The following PDX1 variants were observed in gnomAD, a reference collection of about 807,000 sequenced individuals.
PDX1 encodes pancreas/duodenum homeobox protein 1.
PDX1 carries 7 observed loss-of-function variants against 11.1 expected under a neutral mutation model. That is an observed-to-expected ratio of 0.63 (90% CI 0.36 to 1.19). The LOEUF is 1.19. PDX1 is among the 50% of genes most tolerant of loss of function. PDX1 has a pLI of 0.02. For synonymous variants in PDX1, 232 were observed against 196.2 expected (o/e 1.18, Z -1.53); for missense variants, 449 against 412.1 (o/e 1.09, Z -0.78).
At position 27,920,086 on chromosome 13, in the gene PDX1, C is replaced by A; in HGVS notation, c.-53C>A. 6.5e-7 allele frequency: 1 copy of A among 1,547,044 alleles called. No homozygotes were observed. The highest frequency in any genetic ancestry group is 2.0e-5 in the Admixed American group (1 of 50,978). ...GTGCCAAATCCCCGGCTCCAGCTCC[C>A]GACTCCCGGCTCCCGGCTCCCGGCT... On this transcript the variant is annotated 5_prime_UTR_variant, in exon 1 of 2. Coordinates refer to ENST00000381033, the MANE Select transcript of PDX1 (RefSeq NM_000209.4).
In PDX1 at chr13:27,924,851, G is replaced by C. The variant is rs1298680875; in HGVS notation, c.*150G>C. 4.9e-6 allele frequency: 3 copies of C among 618,350 alleles called. No homozygotes were observed. Among genetic ancestry groups the C allele is most frequent in the Admixed American group, 4.4e-5 (1 of 22,892 alleles). The allele number at this position is 618,350 out of a possible 1,614,324, so 38.3% of individuals were successfully genotyped here. A position where few individuals can be genotyped will look rare whatever the true frequency, so the allele number is the denominator to read the frequency against. Reference sequence around the variant, plus strand: ...CACCTTAGACCGAAGGGGAAAACCCGCTCTCTCAGGCGCATGTGCCAGTTG... The same window carrying C: ...CACCTTAGACCGAAGGGGAAAACCCCCTCTCTCAGGCGCATGTGCCAGTTG... On this transcript the variant is annotated 3_prime_UTR_variant, in exon 2 of 2. Coordinates refer to ENST00000381033, the MANE Select transcript of PDX1 (RefSeq NM_000209.4). This position sits in a 1 kb window ranked among gnomAD's most constrained non-coding sequence, Gnocchi z 4.8.
Position 27,925,821 on chromosome 13 carries a change from C to A in PDX1, c.*1120C>A. On this transcript the variant is annotated 3_prime_UTR_variant, in exon 2 of 2. Coordinates refer to ENST00000381033, the MANE Select transcript of PDX1 (RefSeq NM_000209.4). ...AGTTCCACACTGCTGGCAGGGAAGG[C>A]AAGGGGGGACGGGCCTGGATCTGGG... The A allele has an allele frequency of 6.5e-6, 1 of 153,342 alleles. No individual in the cohort carries two copies. Among genetic ancestry groups the A allele is most frequent in the Non-Finnish European group, 1.5e-5 (1 of 68,806 alleles). The allele number at this position is 153,342 out of a possible 1,614,324, so 9.5% of individuals were successfully genotyped here.
chr13:27,921,026 C>T (rs1465888210), intron 1 of PDX1, among the ~76,000 whole-genome samples: 1 of 152,194 alleles, frequency 6.6e-6, no homozygotes, highest in Admixed American at 6.5e-5. Context: ...GAAGGGCAGG[C>T]ATCTAGGGGC....
chr13:27,920,812 C>G lies in PDX1; in HGVS notation c.406+268C>G, dbSNP rs9512918. Among the ~76,000 whole-genome samples the G allele has an allele frequency of 0.33, 50,909 of 152,190 alleles. 8,741 individuals are homozygous for G. Among genetic ancestry groups the G allele is most frequent in the Middle Eastern group, 0.38 (113 of 294 alleles). ...CATCTTCGCCCCAGGAGCCCGCGCT[C>G]CCAGCGCCATCCTTAGAGAGCCGAG... On this transcript the variant is annotated intron_variant, in intron 1 of 1. Transcript: ENST00000381033.
In PDX1 at chr13:27,924,531, G is replaced by T; in HGVS notation, c.682G>T (p.Ala228Ser). Residue 228 changes from alanine (A) to serine (S), a missense_variant, in exon 2 of 2, where the codon GCC (alanine) becomes TCC (serine). This residue lies in a region of PDX1 where 139 missense variants were observed against 121.4 expected (regional missense o/e 1.14). Coordinates refer to ENST00000381033, the MANE Select transcript of PDX1 (RefSeq NM_000209.4). The surrounding 1 kb of genome is among the most constrained non-coding windows in gnomAD (Gnocchi z 4.8). ...GGVAEPEQDC[A>S]VTSGEELLAL... is the part of the protein sequence containing the mutation. Reference sequence around the variant, plus strand: ...GGTCGCGGAGCCTGAGCAGGACTGCGCCGTGACCTCCGGCGAGGAGCTTCT... The same window carrying T: ...GGTCGCGGAGCCTGAGCAGGACTGCTCCGTGACCTCCGGCGAGGAGCTTCT... 6.3e-7 allele frequency: 1 copy of T among 1,598,482 alleles called. No individual in the cohort carries two copies. Among genetic ancestry groups the T allele is most frequent in the Non-Finnish European group, 8.5e-7 (1 of 1,173,540 alleles).
Position 27,924,513 on chromosome 13 carries a change from G to A in PDX1, c.664G>A (p.Glu222Lys), listed in dbSNP as rs368507502. Residue 222 changes from glutamate (E) to lysine (K), a missense_variant, in exon 2 of 2, where the codon GAG becomes AAG. By Grantham distance (56) the Glu-to-Lys change is moderately conservative. Transcript: ENST00000381033. This position sits in a 1 kb window ranked among gnomAD's most constrained non-coding sequence, Gnocchi z 4.8. Reference sequence around the variant, plus strand: ...AGCTGTCGGGGGTGGCGGGGTCGCGGAGCCTGAGCAGGACTGCGCCGTGAC... The same window carrying A: ...AGCTGTCGGGGGTGGCGGGGTCGCGAAGCCTGAGCAGGACTGCGCCGTGAC... ...GTAVGGGGVA[E>K]PEQDCAVTSG... 2.1e-5 allele frequency: 33 copies of A among 1,609,718 alleles called. No homozygotes were observed. In the Admixed American group the frequency reaches 3.9e-4, roughly 19 times the overall value.
chr13:27,922,195 C>T (rs1957791924), intron 1 of PDX1, among the ~76,000 whole-genome samples: 1 of 152,218 alleles, frequency 6.6e-6, no homozygotes, highest in Non-Finnish European at 1.5e-5. Context: ...CTTAGGCTGA[C>T]CCAAGAAGCC....
At position 27,924,942 on chromosome 13, in the gene PDX1, G is replaced by C. The variant is rs749402485; in HGVS notation, c.*241G>C. 1 of 431,500 alleles carries C rather than the reference G, an allele frequency of 2.3e-6. No homozygotes were observed. The highest frequency in any genetic ancestry group is 4.0e-6 in the Non-Finnish European group (1 of 248,922). The allele number at this position is 431,500 out of a possible 1,614,324, so 26.7% of individuals were successfully genotyped here. A position where few individuals can be genotyped will look rare whatever the true frequency, so the allele number is the denominator to read the frequency against. On this transcript the variant is annotated 3_prime_UTR_variant, in exon 2 of 2. Transcript: ENST00000381033. The surrounding 1 kb of genome is among the most constrained non-coding windows in gnomAD (Gnocchi z 4.8). ...AAGAGCCATTGGTTTTTGTAGTATTGGGGCCCTCTTTTAGTGATACTGGAT... is the reference window on the plus strand; with the variant it reads ...AAGAGCCATTGGTTTTTGTAGTATTCGGGCCCTCTTTTAGTGATACTGGAT...
At position 27,924,248 on chromosome 13, in the gene PDX1, G is replaced by A; in HGVS notation, c.407-8G>A. 1 of 1,585,222 alleles carries A rather than the reference G, an allele frequency of 6.3e-7. No homozygotes were observed. Among genetic ancestry groups the A allele is most frequent in the Non-Finnish European group, 8.6e-7 (1 of 1,166,290 alleles). On this transcript the variant is annotated splice_region_variant and splice_polypyrimidine_tract_variant and intron_variant, in intron 1 of 1. Coordinates refer to ENST00000381033, the MANE Select transcript of PDX1 (RefSeq NM_000209.4). The surrounding 1 kb of genome is among the most constrained non-coding windows in gnomAD (Gnocchi z 4.8). ...GGGGGCCACACTCACGCCCTGTGTC[G>A]CCCGCAGGCGGCGCCTACGCTGCGG... is the stretch of plus-strand genomic sequence containing the variant.
chr13:27,920,148 G>GA lies in PDX1; in HGVS notation c.11dup (p.Glu5GlyfsTer220). ...ATCCCGGGCCGCAGCCATGAACGGCGAGGAGCAGTACTACGCGGCCACGCA... is the reference window on the plus strand; with the variant it reads ...ATCCCGGGCCGCAGCCATGAACGGCGAAGGAGCAGTACTACGCGGCCACGCA... On this transcript the variant is annotated frameshift_variant, in exon 1 of 2. Transcript: ENST00000381033. LOFTEE classifies it high-confidence loss of function. The GA allele has an allele frequency of 6.5e-7, 1 of 1,549,774 alleles. No individual in the cohort carries two copies.
chr13:27,923,978 C>T (rs1237936053), intron 1 of PDX1, among the ~76,000 whole-genome samples: 1 of 152,222 alleles, frequency 6.6e-6, no homozygotes, highest in Non-Finnish European at 1.5e-5. Context: ...CATTCAAGGA[C>T]CACTCATTGG....
intron 1 of PDX1, among the ~76,000 whole-genome samples, chr13:27,922,757 C>T (rs1301736564): frequency 1.3e-5 from 2 of 152,168 alleles, no homozygotes; most frequent in Admixed American, 6.5e-5. Context: ...TTCACGAAGC[C>T]CTCTCGCAGG....
chr13:27,923,993 G>A (rs892241467), intron 1 of PDX1, among the ~76,000 whole-genome samples: 1 of 152,256 alleles, frequency 6.6e-6, no homozygotes, highest in Non-Finnish European at 1.5e-5. Flanking sequence ...CATTGGCAGA[G>A]CCAAGCTTAG....
intron 1 of PDX1, among the ~76,000 whole-genome samples, chr13:27,921,371 G>C (rs953488962): frequency 2.0e-5 from 3 of 152,256 alleles, no homozygotes; most frequent in African/African-American, 7.2e-5. Context: ...CGCGCCGGCA[G>C]AGAACAGAAG....
rs977032589 is a variant in PDX1 at position 27,920,100 on chromosome 13, C to T, written c.-39C>T. On this transcript the variant is annotated 5_prime_UTR_variant, in exon 1 of 2. Coordinates refer to ENST00000381033, the MANE Select transcript of PDX1 (RefSeq NM_000209.4). ...GCTCCAGCTCCCGACTCCCGGCTCC[C>T]GGCTCCCGGCTCCCGGTGCCCAATC... The T allele has an allele frequency of 4.1e-5, 64 of 1,547,832 alleles. No individual in the cohort carries two copies. The East Asian group carries it at 1.3e-3, about 31-fold the overall frequency.
At position 27,920,316 on chromosome 13, in the gene PDX1, G is replaced by T. The variant is rs996002186; in HGVS notation, c.178G>T (p.Gly60Cys). Reference sequence around the variant, plus strand: ...TGGCGCCCTGGGCGCGCTGGAGCAGGGCAGCCCCCCGGACATCTCCCCGTA... The same window carrying T: ...TGGCGCCCTGGGCGCGCTGGAGCAGTGCAGCCCCCCGGACATCTCCCCGTA... ...FPGALGALEQGSPPDISPYEV... is the reference protein window; with the variant it reads ...FPGALGALEQCSPPDISPYEV... The change falls in exon 1 of 2, where the codon GGC (glycine) becomes TGC (cysteine). Residue 60 changes from glycine (G) to cysteine (C), a missense_variant. Gly to Cys is a radical substitution (Grantham distance 159). Coordinates refer to ENST00000381033, the MANE Select transcript of PDX1 (RefSeq NM_000209.4). 1.3e-5 allele frequency: 20 copies of T among 1,542,794 alleles called. No individual in the cohort carries two copies. Among genetic ancestry groups the T allele is most frequent in the Non-Finnish European group, 1.7e-5 (19 of 1,143,420 alleles).
In PDX1 at chr13:27,926,015, C is replaced by T. The variant is rs1261805194; in HGVS notation, c.*1314C>T. The stretch of plus-strand genomic sequence containing the variant: ...AACAACTATTCACGAGCCAGTATGA[C>T]CTTCACATCTTTAGAAATTATGAAA... On this transcript the variant is annotated 3_prime_UTR_variant, in exon 2 of 2. Coordinates refer to ENST00000381033, the MANE Select transcript of PDX1 (RefSeq NM_000209.4). 6.6e-6 allele frequency: 1 copy of T among 152,216 alleles called. No homozygotes were observed. Among genetic ancestry groups the T allele is most frequent in the Non-Finnish European group, 1.5e-5 (1 of 68,044 alleles). The allele number at this position is 152,216 out of a possible 1,614,324, so 9.4% of individuals were successfully genotyped here. A position where few individuals can be genotyped will look rare whatever the true frequency, so the allele number is the denominator to read the frequency against.
intron 1 of PDX1, among the ~76,000 whole-genome samples, chr13:27,923,026 G>A (rs1056964693): frequency 6.6e-6 from 1 of 152,004 alleles, no homozygotes; most frequent in African/African-American, 2.4e-5. Flanking sequence ...AATTAAACCC[G>A]CCCCCAACAC....
chr13:27,925,232 G>A lies in PDX1; in HGVS notation c.*531G>A, dbSNP rs537340336. The A allele has an allele frequency of 8.5e-5, 17 of 199,822 alleles. 1 individual carries two copies. The South Asian group carries it at 1.2e-3, about 15-fold the overall frequency. 12.4% of individuals were successfully genotyped at this position (199,822 alleles called of 1,614,324 possible). ...AGATCCCGTGAAATTGATGCCAGTG[G>A]AATACAGTGAGTCCTCCTCTTCCTC... On this transcript the variant is annotated 3_prime_UTR_variant, in exon 2 of 2. Transcript: ENST00000381033.
Sources: gnomAD v4.1 joint callset for allele counts (sites outside exome capture counted in the v4.1 genomes callset) on GRCh38, gnomAD v4.1.1 for gene constraint, gnomAD v4.1.1 regional missense constraint, Gnocchi (gnomAD v3.1) non-coding constraint, MANE v1.5 for transcripts, NCBI Gene and HGNC (gene_info 2026-07-23, HGNC 2026-07-21) for gene names.